The following CDKAL1 variants were observed in gnomAD, a reference collection of about 807,000 sequenced individuals.
CDKAL1 encodes the protein CDKAL1 threonylcarbamoyladenosine tRNA methylthiotransferase.
CDKAL1 carries 32 observed loss-of-function variants against 68.2 expected under a neutral mutation model. The ratio of observed to expected loss-of-function variants is 0.47; its 90% CI spans 0.35 to 0.63. The LOEUF (loss-of-function observed/expected upper bound fraction) is 0.63, where lower values mean the gene tolerates loss of function less well. CDKAL1 is among the 30% of genes least tolerant of loss of function. CDKAL1 has a pLI of 0.00. For missense variants in CDKAL1, 606 were observed against 696.7 expected (o/e 0.87, Z 1.47); for synonymous variants, 234 against 244.3 (o/e 0.96, Z 0.39).
intron 13 of CDKAL1, among the ~76,000 whole-genome samples, chr6:21,126,710 A>G (rs1231789937): frequency 6.6e-6 from 1 of 152,186 alleles, no homozygotes; most frequent in Non-Finnish European, 1.5e-5. Context: ...TAATCTGATA[A>G]CCTGACATTT....
chr6:21,049,810 T>C (rs1427532089), intron 11 of CDKAL1, among the ~76,000 whole-genome samples: 1 of 150,586 alleles, frequency 6.6e-6, no homozygotes, highest in Non-Finnish European at 1.5e-5. Context: ...TCCAGTTGTC[T>C]CTCATCCTTT....
At chr6:20,755,041 T>C (rs564692016) in intron 6 of CDKAL1, among the ~76,000 whole-genome samples, 1 of 152,226 alleles carries the variant, frequency 6.6e-6, no homozygotes, top group South Asian at 2.1e-4. Context: ...TGCAGTGCTT[T>C]TGAGCTTTTA....
chr6:20,725,783 T>TAAAAA lies in CDKAL1; in HGVS notation c.372-13719_372-13715dup, dbSNP rs67587689. Among the ~76,000 whole-genome samples, 34 of 99,070 alleles carry TAAAAA rather than the reference T, an allele frequency of 3.4e-4. 1 individual carries two copies. The highest frequency in any genetic ancestry group is 1.3e-3 in the African/African-American group (33 of 25,822). 65.0% of individuals were successfully genotyped at this position (99,070 alleles called of 152,430 possible). ...TGGGCAACAAGAGTGAAACTCCGTC[T>TAAAAA]AAAAAAAAAAAAAAAAAAAAAGAAA... On this transcript the variant is annotated intron_variant, in intron 5 of 15. Transcript: ENST00000274695.
chr6:20,653,861 T>C lies in CDKAL1; in HGVS notation c.371+4484T>C, dbSNP rs532110979. Among the ~76,000 whole-genome samples, 45 of 152,266 alleles carry C rather than the reference T, an allele frequency of 3.0e-4. No individual in the cohort carries two copies. The South Asian group carries it at 9.3e-3, about 32-fold the overall frequency. Reference sequence around the variant, plus strand: ...CTCCTGACCTCGTGATCCGCCTGCCTCGGCCTCCCAAAGTGCTGGGATTAC... The same window carrying C: ...CTCCTGACCTCGTGATCCGCCTGCCCCGGCCTCCCAAAGTGCTGGGATTAC... On this transcript the variant is annotated intron_variant, in intron 5 of 15. Transcript: ENST00000274695.
chr6:21,192,778 A>G (rs1778308239), intron 13 of CDKAL1, among the ~76,000 whole-genome samples: 1 of 150,834 alleles, frequency 6.6e-6, no homozygotes, highest in Non-Finnish European at 1.5e-5. Flanking sequence ...CATCTTTCTT[A>G]GGATTACAAG....
At chr6:20,835,314 A>T (rs1561817041) in intron 8 of CDKAL1, among the ~76,000 whole-genome samples, 1 of 152,236 alleles carries the variant, frequency 6.6e-6, no homozygotes, top group Non-Finnish European at 1.5e-5. Context: ...GATTATTAAA[A>T]TAATTATTTA....
chr6:20,581,200 A>G (rs533354061), intron 4 of CDKAL1, among the ~76,000 whole-genome samples: 2 of 152,320 alleles, frequency 1.3e-5, no homozygotes, highest in South Asian at 2.1e-4. Context: ...GCTTCCAACT[A>G]AAGTGGAGCA....
At chr6:20,955,844 T>G (rs939361947) in intron 10 of CDKAL1, among the ~76,000 whole-genome samples, 1 of 152,218 alleles carries the variant, frequency 6.6e-6, no homozygotes, top group Non-Finnish European at 1.5e-5. Flanking sequence ...GTTTCTTGTT[T>G]GTAGTCCTTC....
intron 8 of CDKAL1, among the ~76,000 whole-genome samples, chr6:20,799,040 G>GTTGTTTTTTTTTTT (rs1776242510): frequency 4.2e-5 from 2 of 47,482 alleles, no homozygotes; most frequent in African/African-American, 1.7e-4. Flanking sequence ...AAAGAACTGA[G>GTTGTTTTTTTTTTT]TTTTTTTTTT....
At chr6:20,654,400 A>G (rs933076078) in intron 5 of CDKAL1, among the ~76,000 whole-genome samples, 6 of 151,512 alleles carry the variant, frequency 4.0e-5, no homozygotes, top group African/African-American at 1.5e-4. Flanking sequence ...TCTTCTCCCA[A>G]TTGTGGCTTA....
intron 8 of CDKAL1, among the ~76,000 whole-genome samples, chr6:20,820,173 C>T (rs796070041): frequency 3.3e-5 from 5 of 152,266 alleles, no homozygotes; most frequent in African/African-American, 1.2e-4. Flanking sequence ...CATTGTCACC[C>T]ACAGTTCCTC....
At chr6:21,147,089 G>T (rs1034514961) in intron 13 of CDKAL1, among the ~76,000 whole-genome samples, 6 of 152,252 alleles carry the variant, frequency 3.9e-5, no homozygotes, top group African/African-American at 1.4e-4. Context: ...TGGTGGGGGG[G>T]AAGTGAATAC....
At chr6:20,774,420 T>C (rs1389986306) in intron 7 of CDKAL1, among the ~76,000 whole-genome samples, 1 of 152,196 alleles carries the variant, frequency 6.6e-6, no homozygotes, top group African/African-American at 2.4e-5. Context: ...TATGTCTTTA[T>C]GTTCGGGGAG....
At chr6:20,631,549 C>A (rs149560009) in intron 4 of CDKAL1, among the ~76,000 whole-genome samples, 1 of 152,314 alleles carries the variant, frequency 6.6e-6, no homozygotes, top group African/African-American at 2.4e-5. Flanking sequence ...ACCATCTCTT[C>A]TCCACTTGAG....
chr6:20,579,518 A>G (rs1046957306), intron 4 of CDKAL1, among the ~76,000 whole-genome samples: 2 of 152,106 alleles, frequency 1.3e-5, no homozygotes, highest in Non-Finnish European at 2.9e-5. Flanking sequence ...CATTGTCCTA[A>G]TTGCTTTATG....
intron 9 of CDKAL1, among the ~76,000 whole-genome samples, chr6:20,884,161 T>G (rs1760956141): frequency 6.6e-6 from 1 of 152,064 alleles, no homozygotes; most frequent in Non-Finnish European, 1.5e-5. Flanking sequence ...TGCTTCCACA[T>G]AACAAAAATC....
At chr6:21,118,162 T>C (rs1434057482) in intron 13 of CDKAL1, among the ~76,000 whole-genome samples, 2 of 152,244 alleles carry the variant, frequency 1.3e-5, no homozygotes, top group Non-Finnish European at 2.9e-5. Flanking sequence ...TCATAAAATA[T>C]AATTAATGAC....
At chr6:21,121,030 C>T (rs1433007607) in intron 13 of CDKAL1, among the ~76,000 whole-genome samples, 2 of 152,024 alleles carry the variant, frequency 1.3e-5, no homozygotes, top group Admixed American at 6.6e-5. Context: ...AGATATTGGC[C>T]GAGACCCACT....
chr6:20,768,335 G>A (rs563246348), intron 7 of CDKAL1, among the ~76,000 whole-genome samples: 25 of 152,268 alleles, frequency 1.6e-4, no homozygotes, highest in African/African-American at 3.4e-4. Flanking sequence ...AAGTGCATGC[G>A]TCTGTAATAT....
Sources: allele counts gnomAD v4.1 joint callset (sites outside exome capture counted in the v4.1 genomes callset), GRCh38; gene constraint gnomAD v4.1.1; transcripts MANE v1.5; gene names NCBI Gene and HGNC (gene_info 2026-07-23, HGNC 2026-07-21).